The following CCDC81 variants were observed in gnomAD, a reference collection of about 807,000 sequenced individuals.
The protein encoded by CCDC81 is coiled-coil domain containing 81, also known as coiled-coil domain-containing protein 81.
In CCDC81, 79 loss-of-function variants were observed where a neutral mutation model predicts 83.7. That is an observed-to-expected ratio of 0.94 (90% CI 0.79 to 1.14). The LOEUF (loss-of-function observed/expected upper bound fraction) is 1.14. Among genes scored for constraint, CCDC81 ranks in the 50% most tolerant of loss-of-function variants. CCDC81 has a pLI of 0.00. For synonymous variants in CCDC81, 252 were observed against 278.1 expected (o/e 0.91, Z 0.93); for missense variants, 791 against 778.1 (o/e 1.02, Z -0.20).
chr11:86,402,772 C>A (rs1325242416), intron 7 of CCDC81, among the ~76,000 whole-genome samples: 1 of 152,078 alleles, frequency 6.6e-6, no homozygotes, highest in Non-Finnish European at 1.5e-5. Context: ...AATACCATAG[C>A]AAAGTGAAAT....
At chr11:86,384,774 G>T (rs1026243) in intron 1 of CCDC81, among the ~76,000 whole-genome samples, 17,712 of 152,200 alleles carry the variant, frequency 0.12, 1,107 homozygotes, top group East Asian at 0.28. Context: ...AAACGTAACA[G>T]TCTTGATTTG....
At chr11:86,378,292 CTTA>C (rs1381620350) in intron 1 of CCDC81, among the ~76,000 whole-genome samples, 4 of 152,056 alleles carry the variant, frequency 2.6e-5, no homozygotes, top group Non-Finnish European at 4.4e-5. Context: ...TTATCTTTCT[CTTA>C]TTCATTTCTA....
intron 11 of CCDC81, among the ~76,000 whole-genome samples, chr11:86,412,846 G>GCCACAC (rs1264654568): frequency 1.3e-4 from 20 of 152,308 alleles, no homozygotes; most frequent in African/African-American, 4.8e-4. Context: ...CAGTATCTAG[G>GCCACAC]GGTGAATGTT....
chr11:86,412,568 A>G lies in CCDC81; in HGVS notation c.1391+9A>G. On this transcript the variant is annotated intron_variant, in intron 11 of 14. Transcript: ENST00000445632. ...GTGCAACTCACAGAGGAGTGAGTCC[A>G]GCTACACACGCTCTGACAAATGGAT... 6.3e-7 allele frequency: 1 copy of G among 1,587,750 alleles called. No homozygotes were observed. The highest frequency in any genetic ancestry group is 1.2e-5 in the South Asian group (1 of 85,956).
rs35032279 is a variant in CCDC81, at chr11:86,388,210, CTCCTTCCT to C, written c.298+557_298+564del. On this transcript the variant is annotated intron_variant, in intron 3 of 14. Coordinates refer to ENST00000445632, the MANE Select transcript of CCDC81 (RefSeq NM_001156474.2). ...CCTCCTTTCCTCCTTCCCTCCTTCC[CTCCTTCCT>C]TCCTTCCTTCCTTCCTTCTTCAAAT... 2.4e-4 allele frequency among the ~76,000 whole-genome samples: 35 copies of C among 144,414 alleles called. No individual in the cohort carries two copies. The East Asian group carries it at 6.5e-3, about 27-fold the overall frequency. The allele number at this position is 144,414 out of a possible 152,430, so 94.7% of individuals were successfully genotyped here.
intron 5 of CCDC81, among the ~76,000 whole-genome samples, chr11:86,396,172 C>T (rs1948407396): frequency 6.6e-6 from 1 of 152,216 alleles, no homozygotes; most frequent in African/African-American, 2.4e-5. Context: ...ACTCCATGAG[C>T]ACAGTGGTTG....
At position 86,399,193 on chromosome 11, in the gene CCDC81, T is replaced by G. The variant is rs146999228; in HGVS notation, c.757+1451T>G. 3.2e-3 allele frequency among the ~76,000 whole-genome samples: 489 copies of G among 152,346 alleles called. 4 individuals are homozygous for G. The highest frequency in any genetic ancestry group is 0.011 in the African/African-American group (476 of 41,584). Reference sequence around the variant, plus strand: ...GGGTGAACATTGGCTTGTGCATGTCTGTTTTCTACGTGTGGCCTACAGGAT... The same window carrying G: ...GGGTGAACATTGGCTTGTGCATGTCGGTTTTCTACGTGTGGCCTACAGGAT... On this transcript the variant is annotated intron_variant, in intron 6 of 14. Coordinates refer to ENST00000445632, the MANE Select transcript of CCDC81 (RefSeq NM_001156474.2).
At position 86,392,728 on chromosome 11, in the gene CCDC81, G is replaced by A. The variant is rs374558231; in HGVS notation, c.486G>A (p.Lys162=). 2 of 1,551,682 alleles carry A rather than the reference G, an allele frequency of 1.3e-6. No homozygotes were observed. The highest frequency in any genetic ancestry group is 8.7e-7 in the Non-Finnish European group (1 of 1,146,970). The change falls in exon 4 of 15, where the codon AAG becomes AAA. Residue 162 remains lysine (K), a synonymous_variant. Coordinates refer to ENST00000445632, the MANE Select transcript of CCDC81 (RefSeq NM_001156474.2). Reference sequence around the variant, plus strand: ...TCATGATCAGAGACAGCAAAGTGAAGATGAGGTTTTATAAAGACTTCCTTT... The same window carrying A: ...TCATGATCAGAGACAGCAAAGTGAAAATGAGGTTTTATAAAGACTTCCTTT... The part of the protein sequence containing the change: ...GVLMIRDSKV[K]MRFYKDFLCT...
rs147678353 is a variant in CCDC81, at chr11:86,409,339, C to T, written c.1192C>T (p.His398Tyr). Reference sequence around the variant, plus strand: ...TGGAGTTGCTGAAGCTATAAGAAACCACAAGAATGAGAAACCGGAATTTTA... The same window carrying T: ...TGGAGTTGCTGAAGCTATAAGAAACTACAAGAATGAGAAACCGGAATTTTA... Reference protein sequence around the residue: ...NLGVAEAIRNHKNEKPEFYKS... With the variant: ...NLGVAEAIRNYKNEKPEFYKS... Residue 398 changes from histidine to tyrosine, a missense_variant, in exon 10 of 15, where the codon CAC becomes TAC. His to Tyr is a moderately conservative substitution (Grantham distance 83). Transcript: ENST00000445632. 3.7e-5 allele frequency: 57 copies of T among 1,532,194 alleles called. No individual in the cohort carries two copies. The highest frequency in any genetic ancestry group is 5.0e-5 in the Non-Finnish European group (57 of 1,142,312). 94.9% of individuals were successfully genotyped at this position (1,532,194 alleles called of 1,614,324 possible). A position where few individuals can be genotyped will look rare whatever the true frequency, so the allele number is the denominator to read the frequency against.
chr11:86,394,181 CA>C (rs1948372116), intron 4 of CCDC81, among the ~76,000 whole-genome samples: 1 of 152,224 alleles, frequency 6.6e-6, no homozygotes, highest in Non-Finnish European at 1.5e-5. Flanking sequence ...CTCTAACCCT[CA>C]GGGATTCTGC....
At chr11:86,394,194 G>C (rs552604519) in intron 4 of CCDC81, among the ~76,000 whole-genome samples, 1 of 152,196 alleles carries the variant, frequency 6.6e-6, no homozygotes, top group Non-Finnish European at 1.5e-5. Flanking sequence ...GGATTCTGCT[G>C]AACTTTGTAG....
intron 14 of CCDC81, among the ~76,000 whole-genome samples, chr11:86,421,029 G>C (rs1427494887): frequency 1.3e-5 from 2 of 152,170 alleles, no homozygotes; most frequent in African/African-American, 4.8e-5. Context: ...GGACTGAGGA[G>C]ACACAGGAAA....
intron 7 of CCDC81, among the ~76,000 whole-genome samples, chr11:86,405,831 T>C (rs1948558695): frequency 6.6e-6 from 1 of 151,422 alleles, no homozygotes; most frequent in Non-Finnish European, 1.5e-5. Flanking sequence ...GGCGTGATCT[T>C]GGCTCACCGC....
intron 1 of CCDC81, among the ~76,000 whole-genome samples, chr11:86,376,000 C>A (rs1170808309): frequency 6.6e-6 from 1 of 152,210 alleles, no homozygotes; most frequent in East Asian, 1.9e-4. Flanking sequence ...TCAAATCATC[C>A]TGAAAGATGC....
At chr11:86,394,457 G>A (rs1275331191) in intron 4 of CCDC81, among the ~76,000 whole-genome samples, 1 of 152,226 alleles carries the variant, frequency 6.6e-6, no homozygotes, top group Non-Finnish European at 1.5e-5. Context: ...CTGCCTGAAT[G>A]TATTTAATCA....
chr11:86,375,169 G>T lies in CCDC81; in HGVS notation c.6G>T (p.Leu2Phe). The stretch of plus-strand genomic sequence containing the variant: ...GAGTCACCTGGAAATTGGAGATGTT[G>T]GATACGATCGCCCGTGCCCTGCAGG... The part of the protein sequence containing the change: M[L>F]DTIARALQDL... The change falls in exon 1 of 15, where the codon TTG becomes TTT. Residue 2 changes from leucine (L) to phenylalanine (F), a missense_variant. Coordinates refer to ENST00000445632, the MANE Select transcript of CCDC81 (RefSeq NM_001156474.2). 1 of 1,613,572 alleles carries T rather than the reference G, an allele frequency of 6.2e-7. No homozygotes were observed. The highest frequency in any genetic ancestry group is 1.1e-5 in the South Asian group (1 of 91,066).
At chr11:86,392,948 C>T (rs1262270869) in intron 4 of CCDC81, among the ~76,000 whole-genome samples, 151 bp downstream of exon 4, 1 of 152,182 alleles carries the variant, frequency 6.6e-6, no homozygotes, top group Admixed American at 6.5e-5. Context: ...ACTTGATTAA[C>T]TCTTTGACAA....
intron 11 of CCDC81, among the ~76,000 whole-genome samples, chr11:86,413,762 T>C (rs1266619187): frequency 6.6e-6 from 1 of 152,136 alleles, no homozygotes; most frequent in African/African-American, 2.4e-5. Context: ...TATAATTATG[T>C]AGGGGTGTCC....
chr11:86,395,576 A>G (rs1036907437), intron 5 of CCDC81, among the ~76,000 whole-genome samples, 163 bp downstream of exon 5: 1 of 152,152 alleles, frequency 6.6e-6, no homozygotes, highest in African/African-American at 2.4e-5. Context: ...AGTTTATTGC[A>G]TACACTTTCT....
Sources: gnomAD v4.1 joint callset for allele counts (sites outside exome capture counted in the v4.1 genomes callset) on GRCh38, gnomAD v4.1.1 for gene constraint, MANE v1.5 for transcripts, NCBI Gene and HGNC (gene_info 2026-07-23, HGNC 2026-07-21) for gene names.